Variants in NDUFAF6 observed in about 807,000 individuals in gnomAD.
NDUFAF6 encodes the protein NADH dehydrogenase (ubiquinone) complex I, assembly factor 6.
A neutral mutation model predicts 40.8 loss-of-function variants in NDUFAF6; 45 were observed. The observed-to-expected ratio is 1.10, with a 90% CI of 0.87 to 1.42. NDUFAF6 has a LOEUF of 1.42. NDUFAF6 is among the 40% of genes most tolerant of loss of function. NDUFAF6 has a pLI of 0.00. For synonymous variants in NDUFAF6, 185 were observed against 155.9 expected (o/e 1.19, Z -1.39); for missense variants, 435 against 418.5 (o/e 1.04, Z -0.34).
chr8:95,057,312 G>T (rs772361300), intron 8 of NDUFAF6, among the ~76,000 whole-genome samples: 2 of 152,204 alleles, frequency 1.3e-5, no homozygotes, highest in Non-Finnish European at 2.9e-5. Flanking sequence ...GGTGGGGAAA[G>T]GATGGGGTGA....
intron 1 of NDUFAF6, among the ~76,000 whole-genome samples, chr8:94,920,706 T>C (rs1352774196): frequency 2.6e-5 from 4 of 152,198 alleles, no homozygotes; most frequent in East Asian, 3.9e-4. Flanking sequence ...CAGAGCCCTA[T>C]TATACTGGAC....
rs55703438 is a variant in NDUFAF6, at chr8:94,958,522, C to CTTTTT, written c.-199+369_-199+373dup. On this transcript the variant is annotated intron_variant, in intron 1 of 9. Coordinates refer to the NDUFAF6 transcript ENST00000396111. ...CCCTATCTCCACACATAGTCACATT[C>CTTTTT]TTTTTTTTTTTTTTTTTTTTTTTTT... 6.9e-3 allele frequency among the ~76,000 whole-genome samples: 491 copies of CTTTTT among 71,276 alleles called. 74 individuals carry two copies. The highest frequency in any genetic ancestry group is 0.012 in the African/African-American group (202 of 16,948). The allele number at this position is 71,276 out of a possible 152,430, so 46.8% of individuals were successfully genotyped here.
chr8:95,049,089 T>C (rs1416134852), intron 7 of NDUFAF6, among the ~76,000 whole-genome samples: 3 of 152,224 alleles, frequency 2.0e-5, no homozygotes, highest in Admixed American at 6.5e-5. Context: ...CTTTCCACCT[T>C]GGCACTGCTC....
chr8:95,072,258 C>T (rs772669649), intron 9 of NDUFAF6, among the ~76,000 whole-genome samples: 17 of 152,186 alleles, frequency 1.1e-4, no homozygotes, highest in Non-Finnish European at 2.1e-4. Context: ...GGGCTGCTCC[C>T]CATGCCAGAA....
intron 1 of NDUFAF6, among the ~76,000 whole-genome samples, chr8:94,962,609 G>GTTTTTTTT (rs375083573): frequency 3.1e-4 from 14 of 45,802 alleles, no homozygotes; most frequent in African/African-American, 8.5e-4. Context: ...TCTGTTTTTT[G>GTTTTTTTT]TTTTTTGTTT....
chr8:95,019,379 C>A (rs975462557), intron 2 of NDUFAF6, among the ~76,000 whole-genome samples: 1 of 152,184 alleles, frequency 6.6e-6, no homozygotes, highest in African/African-American at 2.4e-5. Flanking sequence ...TAATTAGAAA[C>A]AACTTGTGCA....
At chr8:94,972,943 G>A (rs1335218449) in intron 1 of NDUFAF6, among the ~76,000 whole-genome samples, 48 of 151,670 alleles carry the variant, frequency 3.2e-4, no homozygotes, top group Admixed American at 3.2e-3. Flanking sequence ...CAGGTATGGT[G>A]CCTCACATCT....
chr8:95,047,787 G>A (rs1371388506), intron 6 of NDUFAF6, among the ~76,000 whole-genome samples: 2 of 151,978 alleles, frequency 1.3e-5, no homozygotes, highest in Admixed American at 1.3e-4. Flanking sequence ...GGGATTACAG[G>A]CATGAGCCAC....
intron 2 of NDUFAF6, among the ~76,000 whole-genome samples, chr8:95,082,792 T>A (rs1469024442): frequency 6.6e-6 from 1 of 151,736 alleles, no homozygotes; most frequent in Non-Finnish European, 1.5e-5. Flanking sequence ...CCCAAGTAGC[T>A]GGGACTACAG....
intron 2 of NDUFAF6, among the ~76,000 whole-genome samples, chr8:95,089,473 T>TAC (rs1184266555): frequency 1.3e-5 from 2 of 151,840 alleles, no homozygotes; most frequent in African/African-American, 4.8e-5. Context: ...TATATATATA[T>TAC]ATAAAAGGGA....
At chr8:95,014,310 G>A (rs533892889) in intron 2 of NDUFAF6, among the ~76,000 whole-genome samples, 43 of 152,348 alleles carry the variant, frequency 2.8e-4, no homozygotes, top group Middle Eastern at 3.4e-3. Context: ...TTCACTGTGA[G>A]TCACATATAA....
intron 5 of NDUFAF6, 139 bp from the exon 6 acceptor site, chr8:95,046,855 C>A: frequency 9.0e-7 from 1 of 1,113,846 alleles, no homozygotes; most frequent in Non-Finnish European, 1.3e-6. Flanking sequence ...CCCAGTTTTT[C>A]ACTCATAAAT....
chr8:94,997,343 CAGAGAGAGAG>C (rs60911286), intron 2 of NDUFAF6, among the ~76,000 whole-genome samples: 6 of 90,514 alleles, frequency 6.6e-5, no homozygotes, highest in Admixed American at 3.1e-4. Flanking sequence ...CACACACACA[CAGAGAGAGAG>C]AGAGAGAGAG....
chr8:94,961,112 A>G (rs943856786), intron 1 of NDUFAF6, among the ~76,000 whole-genome samples: 8 of 152,212 alleles, frequency 5.3e-5, no homozygotes, highest in African/African-American at 1.9e-4. Flanking sequence ...CAATACAGAG[A>G]AGCAAAATAA....
At chr8:95,040,107 A>C (rs1354856734) in intron 3 of NDUFAF6, among the ~76,000 whole-genome samples, 1 of 152,056 alleles carries the variant, frequency 6.6e-6, no homozygotes, top group Non-Finnish European at 1.5e-5. Context: ...GTTTGTTTTA[A>C]TCTGGAACAT....
intron 3 of NDUFAF6, among the ~76,000 whole-genome samples, chr8:95,038,814 A>G (rs1829808375): frequency 6.6e-6 from 1 of 151,694 alleles, no homozygotes; most frequent in Admixed American, 6.6e-5. Flanking sequence ...AGTAGCTGGG[A>G]CTACAGGTGT....
intron 2 of NDUFAF6, among the ~76,000 whole-genome samples, chr8:94,951,748 C>T (rs898151308): frequency 5.3e-5 from 8 of 152,234 alleles, no homozygotes; most frequent in African/African-American, 1.9e-4. Flanking sequence ...TCTTTGCAGA[C>T]ACACAAATTT....
At chr8:95,033,906 A>G (rs1466098707) in intron 2 of NDUFAF6, 1 of 409,096 alleles carries the variant, frequency 2.4e-6, no homozygotes, top group East Asian at 7.2e-5. Context: ...CAGAAAGGTA[A>G]GGTCTTGGAG....
In NDUFAF6 at chr8:94,964,764, A is replaced by C. The variant is rs567540136; in HGVS notation, c.-199+6585A>C. On this transcript the variant is annotated intron_variant, in intron 1 of 9. Transcript: ENST00000396111. ...CTGCCCCTGTGACCAAATATCTCCC[A>C]CTGAGCCCCACTTCCAACATTGGTG... Among the ~76,000 whole-genome samples the C allele has an allele frequency of 2.0e-5, 3 of 152,324 alleles. No individual in the cohort carries two copies. In the East Asian group the frequency reaches 5.8e-4, roughly 29 times the overall value.
Sources: allele counts gnomAD v4.1 joint callset (sites outside exome capture counted in the v4.1 genomes callset), GRCh38; gene constraint gnomAD v4.1.1; transcripts MANE v1.5; gene names NCBI Gene and HGNC (gene_info 2026-07-23, HGNC 2026-07-21).